The following DCUN1D1 variants were observed in gnomAD, a reference collection of about 807,000 sequenced individuals.
DCUN1D1 encodes the protein DCN1-like protein 1.
A neutral mutation model predicts 39.0 loss-of-function variants in DCUN1D1; 3 were observed. That is an observed-to-expected ratio of 0.08 (90% CI 0.04 to 0.20). The LOEUF (loss-of-function observed/expected upper bound fraction) is 0.20, where lower values mean the gene tolerates loss of function less well. Ranked by LOEUF, DCUN1D1 falls within the 10% of genes least tolerant of loss-of-function variation. DCUN1D1 has a pLI of 1.00. For missense variants in DCUN1D1, 158 were observed against 302.4 expected (o/e 0.52, Z 3.54); for synonymous variants, 82 against 96.3 (o/e 0.85, Z 0.87).
At chr3:182,972,137 A>G (rs1727975909) in intron 1 of DCUN1D1, among the ~76,000 whole-genome samples, 1 of 151,632 alleles carries the variant, frequency 6.6e-6, no homozygotes, top group Non-Finnish European at 1.5e-5. Flanking sequence ...ATACAACAGA[A>G]AGAAAAATGT....
intron 1 of DCUN1D1, 183 bp downstream of exon 1, chr3:182,980,304 G>A (rs1456857394): frequency 2.8e-6 from 1 of 355,750 alleles, no homozygotes; most frequent in Non-Finnish European, 3.9e-6. Context: ...GCGCCCGGGC[G>A]GGAAGGGGCG....
At chr3:182,961,477 C>T (rs1012401461) in intron 3 of DCUN1D1, 121 bp from the exon 4 acceptor site, 15 of 916,624 alleles carry the variant, frequency 1.6e-5, no homozygotes, top group African/African-American at 6.9e-5. Context: ...TCAAATAGTT[C>T]GAATTCAGTC....
At chr3:182,981,301 C>A (rs1259602312), upstream of DCUN1D1, among the ~76,000 whole-genome samples, 1 of 152,132 alleles carries the variant, frequency 6.6e-6, no homozygotes, top group Non-Finnish European at 1.5e-5. Flanking sequence ...CAGTTCGGCC[C>A]GCCCAGGATA....
chr3:182,956,145 C>T (rs531216485), intron 4 of DCUN1D1: 34 of 209,508 alleles, frequency 1.6e-4, no homozygotes, highest in African/African-American at 7.6e-4. Flanking sequence ...TAAGGCCGGT[C>T]TCGAACGCCT....
At chr3:182,972,869 C>G (rs570318395) in intron 1 of DCUN1D1, among the ~76,000 whole-genome samples, 1 of 152,174 alleles carries the variant, frequency 6.6e-6, no homozygotes, top group Non-Finnish European at 1.5e-5. Flanking sequence ...ATGGAGAAAC[C>G]CCATCTCGAC....
At chr3:182,946,785 ATG>A (rs1726432766) in intron 6 of DCUN1D1, among the ~76,000 whole-genome samples, 2 of 152,086 alleles carry the variant, frequency 1.3e-5, no homozygotes, top group Non-Finnish European at 2.9e-5. Context: ...GGATTGGTAA[ATG>A]TATGAAGGTA....
At chr3:182,973,527 G>A (rs1324687124) in intron 1 of DCUN1D1, among the ~76,000 whole-genome samples, 2 of 152,170 alleles carry the variant, frequency 1.3e-5, no homozygotes, top group African/African-American at 2.4e-5. Context: ...ATTCAGAAGT[G>A]GCCGGGCGCA....
chr3:182,961,313 C>G lies in DCUN1D1; in HGVS notation c.433G>C (p.Glu145Gln), dbSNP rs773792110. The change falls in exon 4 of 7, where the codon GAA (glutamate) becomes CAA (glutamine). Residue 145 changes from glutamate (E) to glutamine (Q), a missense_variant. By Grantham distance (29) the Glu-to-Gln change is conservative. Transcript: ENST00000292782. ...CGTCCTGGTTCTTTCAATTCTTGTT[C>G]CATCTTGGGTATCTGGGCCTTTAGT... ...EKLKAQIPKM[E>Q]QELKEPGRFK... is the part of the protein sequence containing the mutation. 1 of 1,605,878 alleles carries G rather than the reference C, an allele frequency of 6.2e-7. No homozygotes were observed. Among genetic ancestry groups the G allele is most frequent in the Admixed American group, 1.7e-5 (1 of 58,882 alleles).
chr3:182,956,500 G>C (rs1390627867), intron 4 of DCUN1D1, among the ~76,000 whole-genome samples: 2 of 152,232 alleles, frequency 1.3e-5, no homozygotes, highest in East Asian at 1.9e-4. Context: ...TTATTAACAA[G>C]TCAGTCTCTC....
chr3:182,983,344 T>A (rs1003957287), upstream of DCUN1D1, among the ~76,000 whole-genome samples: 4 of 152,168 alleles, frequency 2.6e-5, no homozygotes, highest in Non-Finnish European at 5.9e-5. Context: ...ACTTCTACCC[T>A]ATGAGCATGC....
intron 4 of DCUN1D1, among the ~76,000 whole-genome samples, chr3:182,952,851 T>C (rs1726827737): frequency 6.6e-6 from 1 of 152,230 alleles, no homozygotes; most frequent in Non-Finnish European, 1.5e-5. Context: ...TCTAACTAAA[T>C]CACTGGGATA....
chr3:182,955,201 C>T (rs1577170213), intron 4 of DCUN1D1, among the ~76,000 whole-genome samples: 4 of 152,186 alleles, frequency 2.6e-5, no homozygotes, highest in African/African-American at 4.8e-5. Context: ...CCACCACACC[C>T]GGCTAATTTA....
intron 1 of DCUN1D1, among the ~76,000 whole-genome samples, chr3:182,967,952 G>A (rs1034131071): frequency 6.6e-6 from 1 of 152,124 alleles, no homozygotes; most frequent in African/African-American, 2.4e-5. Context: ...CCTCCTCTGA[G>A]GAACAAAGTA....
At chr3:182,980,615 G>A (rs539776781), upstream of DCUN1D1, 19 of 1,055,926 alleles carry the variant, frequency 1.8e-5, no homozygotes, top group African/African-American at 1.9e-4. Context: ...GCGGCCCGGC[G>A]CGGCCCGAGG....
intron 4 of DCUN1D1, among the ~76,000 whole-genome samples, chr3:182,960,268 CCTTT>C (rs747218664): frequency 2.5e-4 from 34 of 134,940 alleles, no homozygotes; most frequent in South Asian, 1.4e-3. Flanking sequence ...CCAATTTAAA[CCTTT>C]CTGTCTCCAA....
At position 182,951,617 on chromosome 3, in the gene DCUN1D1, C is replaced by CAAA. The variant is rs748698621; in HGVS notation, c.521-3988_521-3986dup. The stretch of plus-strand genomic sequence containing the variant: ...GGTGACAGAGAGAGACCCTGTCTCC[C>CAAA]AAAAAAAAAAAAAAAAAAAAAAAAA... On this transcript the variant is annotated intron_variant, in intron 4 of 6. Coordinates refer to ENST00000292782, the MANE Select transcript of DCUN1D1 (RefSeq NM_020640.4). 2.1e-3 allele frequency among the ~76,000 whole-genome samples: 94 copies of CAAA among 44,378 alleles called. 5 individuals carry two copies. Among genetic ancestry groups the CAAA allele is most frequent in the African/African-American group, 4.6e-3 (56 of 12,286 alleles). The allele number at this position is 44,378 out of a possible 152,430, so 29.1% of individuals were successfully genotyped here.
chr3:182,954,783 C>T (rs952682105), intron 4 of DCUN1D1, among the ~76,000 whole-genome samples: 7 of 152,224 alleles, frequency 4.6e-5, no homozygotes, highest in African/African-American at 1.4e-4. Context: ...CCAAAAGGCA[C>T]TTACTGAGGA....
At chr3:182,955,183 G>C (rs1423481200) in intron 4 of DCUN1D1, among the ~76,000 whole-genome samples, 1 of 151,974 alleles carries the variant, frequency 6.6e-6, no homozygotes, top group African/African-American at 2.4e-5. Context: ...TAGGATTACA[G>C]GCATGCGCCA....
chr3:182,980,758 G>C (rs1221197603), upstream of DCUN1D1: 1 of 172,438 alleles, frequency 5.8e-6, no homozygotes, highest in African/African-American at 2.4e-5. Context: ...AGGGGCGGGC[G>C]ACGCAAGCCC....
Sources: gnomAD v4.1 joint callset for allele counts (sites outside exome capture counted in the v4.1 genomes callset) on GRCh38, gnomAD v4.1.1 for gene constraint, MANE v1.5 for transcripts, NCBI Gene and HGNC (gene_info 2026-07-23, HGNC 2026-07-21) for gene names.